The following DLC1 variants were observed in gnomAD, a reference collection of about 807,000 sequenced individuals.
DLC1 encodes DLC1 Rho GTPase activating protein.
A neutral mutation model predicts 140.3 loss-of-function variants in DLC1; 54 were observed. The ratio of observed to expected loss-of-function variants is 0.38; its 90% confidence interval spans 0.31 to 0.48. The LOEUF is 0.48. Ranked by LOEUF, DLC1 falls within the 20% of genes least tolerant of loss-of-function variation. The pLI, the probability that DLC1 is intolerant of heterozygous loss-of-function variation, is 0.96. For synonymous variants in DLC1, 986 were observed against 728.1 expected, an observed-to-expected ratio of 1.35 and a Z score of -5.70; for missense variants, 2,536 against 1,907.0, an observed-to-expected ratio of 1.33 and a Z score of -6.14.
intron 5 of DLC1, among the ~76,000 whole-genome samples, chr8:13,145,478 A>C (rs893877762): frequency 6.6e-6 from 1 of 152,232 alleles, no homozygotes; most frequent in South Asian, 2.1e-4. Flanking sequence ...TTACATTCAC[A>C]TTAAAGCTAA....
intron 3 of DLC1, among the ~76,000 whole-genome samples, chr8:13,398,958 G>T (rs1337577046): frequency 6.6e-6 from 1 of 152,132 alleles, no homozygotes; most frequent in Admixed American, 6.5e-5. Flanking sequence ...AGGTAAGGAT[G>T]CTAAGAGATA....
chr8:13,426,516 A>C (rs1329242153), intron 2 of DLC1, among the ~76,000 whole-genome samples: 1 of 152,142 alleles, frequency 6.6e-6, no homozygotes, highest in Non-Finnish European at 1.5e-5. Flanking sequence ...AATTCAAATG[A>C]ACCTCAGTTT....
At chr8:13,576,285 A>G (rs1332541306) in intron 1 of DLC1, among the ~76,000 whole-genome samples, 1 of 152,198 alleles carries the variant, frequency 6.6e-6, no homozygotes, top group East Asian at 1.9e-4. Context: ...AGAGATTGCT[A>G]AAGCCTCTAC....
intron 2 of DLC1, among the ~76,000 whole-genome samples, chr8:13,496,154 C>T (rs550313891): frequency 2.0e-5 from 3 of 152,256 alleles, no homozygotes; most frequent in Non-Finnish European, 4.4e-5. Context: ...AAATGTGGCA[C>T]ATGTGTGCCT....
At chr8:13,103,486 C>T (rs1281188775) in intron 7 of DLC1, among the ~76,000 whole-genome samples, 1 of 151,958 alleles carries the variant, frequency 6.6e-6, no homozygotes, top group African/African-American at 2.4e-5. Flanking sequence ...TAAGAAAAAT[C>T]ATTCTTCCAA....
At chr8:13,315,222 A>T (rs1005949037) in intron 4 of DLC1, among the ~76,000 whole-genome samples, 3 of 152,224 alleles carry the variant, frequency 2.0e-5, no homozygotes, top group African/African-American at 7.2e-5. Context: ...CGAGACCAGC[A>T]TGAACAAGAT....
At chr8:13,359,480 G>A (rs1835119563) in intron 4 of DLC1, among the ~76,000 whole-genome samples, 1 of 152,108 alleles carries the variant, frequency 6.6e-6, no homozygotes, top group Non-Finnish European at 1.5e-5. Flanking sequence ...CTCTGCTTGA[G>A]GTTAGTGGGA....
At chr8:13,443,490 T>A (rs1798633608) in intron 2 of DLC1, among the ~76,000 whole-genome samples, 1 of 150,640 alleles carries the variant, frequency 6.6e-6, no homozygotes, top group Non-Finnish European at 1.5e-5. Context: ...AAACCCCGTC[T>A]CTACTAAATA....
At chr8:13,521,111 T>C (rs1802752437) in intron 1 of DLC1, among the ~76,000 whole-genome samples, 1 of 152,070 alleles carries the variant, frequency 6.6e-6, no homozygotes, top group Non-Finnish European at 1.5e-5. Flanking sequence ...GGGACATGGA[T>C]GGAGCTGGAA....
At chr8:13,138,475 C>G (rs1822729021) in intron 5 of DLC1, among the ~76,000 whole-genome samples, 1 of 152,202 alleles carries the variant, frequency 6.6e-6, no homozygotes. Context: ...CAGGCAATCT[C>G]TTTGGAAATT....
chr8:13,249,538 A>G (rs950118255), intron 5 of DLC1, among the ~76,000 whole-genome samples: 1 of 152,114 alleles, frequency 6.6e-6, no homozygotes, highest in African/African-American at 2.4e-5. Flanking sequence ...CCTCCTAGCC[A>G]AGGCTCTCTT....
At chr8:13,565,988 G>T (rs1180296778) in intron 1 of DLC1, among the ~76,000 whole-genome samples, 1 of 152,142 alleles carries the variant, frequency 6.6e-6, no homozygotes, top group Non-Finnish European at 1.5e-5. Context: ...TCCTCTGGAC[G>T]TGTGTAAGGT....
chr8:13,222,319 G>A (rs930969172), intron 5 of DLC1, among the ~76,000 whole-genome samples: 1 of 152,068 alleles, frequency 6.6e-6, no homozygotes, highest in South Asian at 2.1e-4. Context: ...CTGTAACAGT[G>A]CTGTCAATAG....
At chr8:13,369,948 C>G (rs1835657650) in intron 4 of DLC1, among the ~76,000 whole-genome samples, 1 of 150,778 alleles carries the variant, frequency 6.6e-6, no homozygotes, top group African/African-American at 2.4e-5. Flanking sequence ...AAAAAAAAGT[C>G]AAAGTCCCTA....
At chr8:13,122,397 C>T (rs1387409693) in intron 5 of DLC1, among the ~76,000 whole-genome samples, 2 of 152,178 alleles carry the variant, frequency 1.3e-5, no homozygotes, top group Non-Finnish European at 2.9e-5. Context: ...CCCTTCTTCA[C>T]TCCACCAACT....
intron 1 of DLC1, chr8:13,567,616 C>T: frequency 6.4e-7 from 1 of 1,551,708 alleles, no homozygotes; most frequent in South Asian, 1.2e-5. Context: ...AAGAGCGGAG[C>T]TGGCCCTGTC....
At chr8:13,581,202 A>G (rs1339889485) in intron 1 of DLC1, among the ~76,000 whole-genome samples, 1 of 152,210 alleles carries the variant, frequency 6.6e-6, no homozygotes, top group East Asian at 1.9e-4. Flanking sequence ...TTAGCTCATA[A>G]TTGCTCTCAG....
At chr8:13,450,246 G>A (rs1798977684) in intron 2 of DLC1, among the ~76,000 whole-genome samples, 1 of 151,892 alleles carries the variant, frequency 6.6e-6, no homozygotes, top group African/African-American at 2.4e-5. Flanking sequence ...CCTGAGGTCA[G>A]GAGTTCGAGA....
intron 2 of DLC1, among the ~76,000 whole-genome samples, chr8:13,476,626 A>C (rs1188588547): frequency 6.6e-6 from 1 of 152,204 alleles, no homozygotes; most frequent in Non-Finnish European, 1.5e-5. Flanking sequence ...AATAGAAAGG[A>C]ACATGTGCCA....
Sources: allele counts gnomAD v4.1 joint callset (sites outside exome capture counted in the v4.1 genomes callset), GRCh38; gene constraint gnomAD v4.1.1; transcripts MANE v1.5; gene names NCBI Gene and HGNC (gene_info 2026-07-23, HGNC 2026-07-21).